Variants in RAP1A observed in about 807,000 individuals in gnomAD.
The protein encoded by RAP1A is ras-related protein Rap-1A.
RAP1A carries 6 observed loss-of-function variants against 26.4 expected under a neutral mutation model. The observed-to-expected ratio is 0.23, with a 90% CI of 0.12 to 0.45. The LOEUF (loss-of-function observed/expected upper bound fraction) is 0.45. RAP1A is among the 20% of genes least tolerant of loss of function. The pLI, the probability that RAP1A is intolerant of heterozygous loss-of-function variation, is 0.99. For synonymous variants in RAP1A, 73 were observed against 79.4 expected (o/e 0.92, Z 0.43); for missense variants, 121 against 217.2 (o/e 0.56, Z 2.78).
At chr1:111,549,429 A>T (rs1657169637) in intron 1 of RAP1A, among the ~76,000 whole-genome samples, 1 of 150,714 alleles carries the variant, frequency 6.6e-6, no homozygotes, top group Non-Finnish European at 1.5e-5. Flanking sequence ...CAGGTGGATC[A>T]CCTGAGGTCA....
chr1:111,682,759 G>C (rs1464735960), intron 1 of RAP1A, among the ~76,000 whole-genome samples: 1 of 152,084 alleles, frequency 6.6e-6, no homozygotes, highest in Non-Finnish European at 1.5e-5. Flanking sequence ...GTCAATATTA[G>C]ATCAACGAGA....
chr1:111,675,176 G>A (rs976298569), intron 1 of RAP1A, among the ~76,000 whole-genome samples: 3 of 152,114 alleles, frequency 2.0e-5, no homozygotes, highest in African/African-American at 7.2e-5. Flanking sequence ...ATATGAGCTA[G>A]TCAAAATTTA....
chr1:111,674,464 T>C (rs1571550251), intron 1 of RAP1A, among the ~76,000 whole-genome samples: 1 of 152,316 alleles, frequency 6.6e-6, no homozygotes, highest in African/African-American at 2.4e-5. Context: ...TCCACTGCTA[T>C]GGTTTCAATG....
rs77448382 is a variant in RAP1A at position 111,574,859 on chromosome 1, G to T, written c.-28+32350G>T. On this transcript the variant is annotated intron_variant, in intron 1 of 7. Coordinates refer to the RAP1A transcript ENST00000356415. ...AGTGGCTCTGCTATACTGTTTTTTT[G>T]AATTTGGCAAGAAATAATTATGTGA... Among the ~76,000 whole-genome samples, 722 of 152,246 alleles carry T rather than the reference G, an allele frequency of 4.7e-3. 4 individuals are homozygous for T. The highest frequency in any genetic ancestry group is 0.016 in the African/African-American group (677 of 41,536).
chr1:111,690,408 G>A (rs762064231), intron 1 of RAP1A, among the ~76,000 whole-genome samples: 4 of 152,296 alleles, frequency 2.6e-5, no homozygotes, highest in Non-Finnish European at 4.4e-5. Context: ...GCAGATTTCT[G>A]GAATTTTATA....
chr1:111,678,570 T>C (rs1428480921), intron 1 of RAP1A, among the ~76,000 whole-genome samples: 1 of 152,202 alleles, frequency 6.6e-6, no homozygotes, highest in African/African-American at 2.4e-5. Context: ...GCCTACTGCT[T>C]GTAGGCTACA....
rs145288046 is a variant in RAP1A at position 111,670,311 on chromosome 1, A to G, written c.-27-21023A>G. Among the ~76,000 whole-genome samples, 93 of 151,638 alleles carry G rather than the reference A, an allele frequency of 6.1e-4. 3 individuals are homozygous for G. In the East Asian group the frequency reaches 0.018, roughly 29 times the overall value. On this transcript the variant is annotated intron_variant, in intron 1 of 7. Transcript: ENST00000369709. The stretch of plus-strand genomic sequence containing the variant: ...AGATGGCGAAACCCTGTCTCTACCA[A>G]AAATACAAAAAAATTAGCCGGACGT...
intron 1 of RAP1A, among the ~76,000 whole-genome samples, chr1:111,593,207 T>G (rs1273056403): frequency 5.9e-5 from 9 of 152,128 alleles, no homozygotes; most frequent in African/African-American, 1.9e-4. Flanking sequence ...GGCTGTCTAG[T>G]AAAAATCAGC....
At chr1:111,684,323 A>C (rs1661400631) in intron 1 of RAP1A, among the ~76,000 whole-genome samples, 1 of 152,200 alleles carries the variant, frequency 6.6e-6, no homozygotes, top group Non-Finnish European at 1.5e-5. Context: ...AAAAGAAATA[A>C]AGGGTATTCA....
intron 1 of RAP1A, chr1:111,649,545 C>A: frequency 7.7e-6 from 2 of 261,148 alleles, no homozygotes; most frequent in Non-Finnish European, 1.6e-5. Flanking sequence ...TGGTAAAGCT[C>A]ATGCTCTCTG....
chr1:111,618,269 G>C (rs941015047), upstream of RAP1A, among the ~76,000 whole-genome samples: 1 of 152,028 alleles, frequency 6.6e-6, no homozygotes, highest in Non-Finnish European at 1.5e-5. Context: ...TTTCATCAAG[G>C]TCATCAGCAA....
At chr1:111,699,463 C>CTTTTTTTTTTT (rs11435540) in intron 4 of RAP1A, among the ~76,000 whole-genome samples, 39 of 124,168 alleles carry the variant, frequency 3.1e-4, no homozygotes, top group African/African-American at 9.4e-4. Context: ...CTCACTTCCT[C>CTTTTTTTTTTT]TTTTTTTTTT....
At position 111,634,319 on chromosome 1, in the gene RAP1A, A is replaced by G. The variant is rs151201729; in HGVS notation, c.-28+14385A>G. ...GGCCAAAGTGTTCTATAGAAAATCA[A>G]TCATAAAATTGCATTTGTCTGTGCT... On this transcript the variant is annotated intron_variant, in intron 1 of 7. Transcript: ENST00000369709. 6.3e-3 allele frequency among the ~76,000 whole-genome samples: 956 copies of G among 152,196 alleles called. 9 individuals are homozygous for G. Among genetic ancestry groups the G allele is most frequent in the African/African-American group, 0.021 (867 of 41,564 alleles).
chr1:111,607,814 G>C (rs1213020427), intron 1 of RAP1A, among the ~76,000 whole-genome samples: 25 of 130,934 alleles, frequency 1.9e-4, no homozygotes, highest in African/African-American at 6.4e-4. Context: ...GGCCGGGCGG[G>C]GGGCTGACCC....
intron 6 of RAP1A, 91 bp downstream of exon 6, chr1:111,704,577 T>A: frequency 7.7e-7 from 1 of 1,298,100 alleles, no homozygotes; most frequent in Non-Finnish European, 1.0e-6. Flanking sequence ...TTTTTATCTT[T>A]TAAGCAATCT....
At chr1:111,595,935 T>A (rs1658556400) in intron 1 of RAP1A, among the ~76,000 whole-genome samples, 1 of 152,214 alleles carries the variant, frequency 6.6e-6, no homozygotes. Flanking sequence ...CAGAGTTAAG[T>A]GCTCTCTTCT....
intron 1 of RAP1A, among the ~76,000 whole-genome samples, chr1:111,634,246 C>T (rs571434787): frequency 6.6e-6 from 1 of 152,116 alleles, no homozygotes; most frequent in Non-Finnish European, 1.5e-5. Context: ...CTATCTCTTC[C>T]CTCCCTGGTT....
chr1:111,687,830 A>G (rs1571561513), intron 1 of RAP1A, among the ~76,000 whole-genome samples: 1 of 151,978 alleles, frequency 6.6e-6, no homozygotes, highest in Non-Finnish European at 1.5e-5. Context: ...CCTAGGTAAC[A>G]TAGTGAGACT....
rs1317025079 is a variant in RAP1A at position 111,709,667 on chromosome 1, CAA to C, written c.*29+404_*29+405del. ...AAAGTGACATACCCGTATATAACAA[CAA>C]GAGTCACCCTTCCCCAAATTAAATT... On this transcript the variant is annotated intron_variant, in intron 7 of 7. Transcript: ENST00000369709. Among the ~76,000 whole-genome samples the C allele has an allele frequency of 2.6e-5, 4 of 152,286 alleles. No homozygotes were observed. The East Asian group carries it at 7.7e-4, about 29-fold the overall frequency.
Sources: allele counts gnomAD v4.1 joint callset (sites outside exome capture counted in the v4.1 genomes callset), GRCh38; gene constraint gnomAD v4.1.1; transcripts MANE v1.5; gene names NCBI Gene and HGNC (gene_info 2026-07-23, HGNC 2026-07-21).